The following BCL11A variants were observed in gnomAD, a reference collection of about 807,000 sequenced individuals.
BCL11A encodes BCL11 transcription factor A.
A neutral mutation model predicts 55.9 loss-of-function variants in BCL11A; 2 were observed. That is an observed-to-expected ratio of 0.04 (90% CI 0.01 to 0.11). The LOEUF is 0.11. Ranked by LOEUF, BCL11A falls within the 10% of genes least tolerant of loss-of-function variation. The probability of loss-of-function intolerance (pLI) is 1.00; values close to 1 mark genes in which losing one functional copy is unlikely to be tolerated. For missense variants in BCL11A, 817 were observed against 1,137.1 expected, an observed-to-expected ratio of 0.72 and a Z score of 4.05; for synonymous variants, 465 against 473.4, an observed-to-expected ratio of 0.98 and a Z score of 0.23.
At chr2:60,485,269 C>T (rs750751364) in intron 2 of BCL11A, among the ~76,000 whole-genome samples, 1 of 152,204 alleles carries the variant, frequency 6.6e-6, no homozygotes, top group Non-Finnish European at 1.5e-5. Context: ...GGGTGAGAGG[C>T]CATAGCCCAG....
intron 2 of BCL11A, among the ~76,000 whole-genome samples, chr2:60,483,067 C>T (rs1678050639): frequency 6.6e-6 from 1 of 152,162 alleles, no homozygotes; most frequent in South Asian, 2.1e-4. Flanking sequence ...GATTACTTTG[C>T]GAGATGTTTG....
At chr2:60,467,071 A>ATG (rs1676654547) in intron 3 of BCL11A, among the ~76,000 whole-genome samples, 1 of 137,842 alleles carries the variant, frequency 7.3e-6, no homozygotes, top group Admixed American at 7.4e-5. Context: ...TGGTGGTGGC[A>ATG]GTGGTGGTGG....
At chr2:60,491,409 ACACCTGTAATCC>A (rs1573000299) in intron 2 of BCL11A, among the ~76,000 whole-genome samples, 1 of 152,172 alleles carries the variant, frequency 6.6e-6, no homozygotes, top group Non-Finnish European at 1.5e-5. Flanking sequence ...GCTGTGGCTC[ACACCTGTAATCC>A]CAGCACTTTG....
At position 60,553,379 on chromosome 2, in the gene BCL11A, T is replaced by G; in HGVS notation, c.-109A>C. 8.9e-7 allele frequency: 1 copy of G among 1,119,782 alleles called. No homozygotes were observed. The allele number at this position is 1,119,782 out of a possible 1,614,324, so 69.4% of individuals were successfully genotyped here. ...AGAAAGAAGGAGACTCCAGAGAAAA[T>G]ATCTTCATCAGTGCCTTTTGACATC... On this transcript the variant is annotated 5_prime_UTR_variant, in exon 1 of 4. Transcript: ENST00000642384.
At chr2:60,547,020 T>TA (rs1266562571) in intron 1 of BCL11A, among the ~76,000 whole-genome samples, 1 of 152,172 alleles carries the variant, frequency 6.6e-6, no homozygotes, top group African/African-American at 2.4e-5. Context: ...ATCAAAGAAA[T>TA]ACCAAATGCA....
rs1436371909 is a variant in BCL11A at position 60,538,739 on chromosome 2, C to CTCTGTGTG, written c.385+7231_385+7232insCACACAGA. On this transcript the variant is annotated intron_variant, in intron 2 of 3. Coordinates refer to ENST00000642384, the MANE Select transcript of BCL11A (RefSeq NM_022893.4). ...TGAATGTCTCTCTCTCTCTCTCTCT[C>CTCTGTGTG]TGTGTGTGTGTGTGTGTGTGTGTGT... 5.7e-3 allele frequency among the ~76,000 whole-genome samples: 382 copies of CTCTGTGTG among 67,522 alleles called. 2 individuals are homozygous for CTCTGTGTG. The highest frequency in any genetic ancestry group is 0.011 in the Non-Finnish European group (302 of 27,052). 44.3% of individuals were successfully genotyped at this position (67,522 alleles called of 152,430 possible).
Position 60,469,858 on chromosome 2 carries a change from G to A in BCL11A, c.386-1025C>T, listed in dbSNP as rs542475998. On this transcript the variant is annotated intron_variant, in intron 2 of 3. Coordinates refer to ENST00000642384, the MANE Select transcript of BCL11A (RefSeq NM_022893.4). Reference sequence around the variant, plus strand: ...GGATAGATGGTGCAGGAGACGCTCTGTGTGTTCTAGAGGTTTGGAGTTCAT... The same window carrying A: ...GGATAGATGGTGCAGGAGACGCTCTATGTGTTCTAGAGGTTTGGAGTTCAT... Among the ~76,000 whole-genome samples, 8 of 152,296 alleles carry A rather than the reference G, an allele frequency of 5.3e-5. No individual in the cohort carries two copies. The South Asian group carries it at 1.4e-3, about 28-fold the overall frequency.
At chr2:60,509,365 C>T (rs988351066) in intron 2 of BCL11A, among the ~76,000 whole-genome samples, 1 of 152,164 alleles carries the variant, frequency 6.6e-6, no homozygotes, top group Non-Finnish European at 1.5e-5. Context: ...AACGGATTTC[C>T]GGAAGAAATT....
At chr2:60,452,738 T>C, downstream of BCL11A, 1 of 1,212,318 alleles carries the variant, frequency 8.2e-7, no homozygotes. Context: ...TGATTTTCTG[T>C]TCTCTAACTA....
Position 60,457,922 on chromosome 2 carries a change from AT to A in BCL11A, c.*2481del. The stretch of plus-strand genomic sequence containing the variant: ...CCAAACCGCCATTATATGGCTTCTC[AT>A]CTGTAATGTCACACTTTTTTGTTTC... On this transcript the variant is annotated 3_prime_UTR_variant, in exon 4 of 4. Coordinates refer to ENST00000642384, the MANE Select transcript of BCL11A (RefSeq NM_022893.4). The A allele has an allele frequency of 9.6e-7, 1 of 1,045,034 alleles. No homozygotes were observed. Among genetic ancestry groups the A allele is most frequent in the Non-Finnish European group, 1.2e-6 (1 of 866,632 alleles). 64.7% of individuals were successfully genotyped at this position (1,045,034 alleles called of 1,614,324 possible).
At chr2:60,476,393 T>G (rs972221860) in intron 2 of BCL11A, among the ~76,000 whole-genome samples, 1 of 152,224 alleles carries the variant, frequency 6.6e-6, no homozygotes, top group Non-Finnish European at 1.5e-5. Flanking sequence ...CAGTGGCTCA[T>G]GCCAGAAGTC....
rs1172541369 is a variant in BCL11A at position 60,457,457 on chromosome 2, C to G, written c.*2947G>C. 2 of 1,040,036 alleles carry G rather than the reference C, an allele frequency of 1.9e-6. No individual in the cohort carries two copies. The highest frequency in any genetic ancestry group is 1.1e-4 in the East Asian group (2 of 17,518). 64.4% of individuals were successfully genotyped at this position (1,040,036 alleles called of 1,614,324 possible). A position where few individuals can be genotyped will look rare whatever the true frequency, so the allele number is the denominator to read the frequency against. On this transcript the variant is annotated 3_prime_UTR_variant, in exon 4 of 4. Transcript: ENST00000642384. Reference sequence around the variant, plus strand: ...ACATAAGCAATAATAAATAGTGACTCCCATAGTAAAAGATAAAATTTCAAG... The same window carrying G: ...ACATAAGCAATAATAAATAGTGACTGCCATAGTAAAAGATAAAATTTCAAG...
chr2:60,519,265 G>A (rs932764958), intron 2 of BCL11A, among the ~76,000 whole-genome samples: 3 of 152,186 alleles, frequency 2.0e-5, no homozygotes, highest in African/African-American at 7.2e-5. Context: ...AAGGCATTTT[G>A]CGGTCTTTTT....
intron 2 of BCL11A, among the ~76,000 whole-genome samples, chr2:60,539,189 T>G (rs1201338786): frequency 6.6e-6 from 1 of 152,248 alleles, no homozygotes; most frequent in Non-Finnish European, 1.5e-5. Context: ...AGCTTTATTA[T>G]GGTGTGGTGG....
At chr2:60,452,688 AG>A, downstream of BCL11A, 3 of 1,575,384 alleles carry the variant, frequency 1.9e-6, no homozygotes, top group Non-Finnish European at 2.6e-6. Context: ...TTGGAGACAG[AG>A]GAGGGGGAAA....
At chr2:60,519,171 C>CA (rs932926474) in intron 2 of BCL11A, among the ~76,000 whole-genome samples, 1 of 152,068 alleles carries the variant, frequency 6.6e-6, no homozygotes, top group Admixed American at 6.5e-5. Context: ...ACAGGCGCTA[C>CA]AAAAAAAGAA....
intron 1 of BCL11A, among the ~76,000 whole-genome samples, chr2:60,552,247 T>C (rs1317314844): frequency 6.6e-6 from 1 of 152,098 alleles, no homozygotes; most frequent in African/African-American, 2.4e-5. Context: ...CCTTGTTTTA[T>C]TTATTTTATT....
At chr2:60,545,105 C>T (rs1670089459) in intron 2 of BCL11A, 1 of 152,246 alleles carries the variant, frequency 6.6e-6, no homozygotes, top group Non-Finnish European at 1.5e-5. Flanking sequence ...GTAAGGGTGA[C>T]ATGTGGCTGT....
chr2:60,505,127 C>T (rs1325141011), intron 2 of BCL11A, among the ~76,000 whole-genome samples: 1 of 152,056 alleles, frequency 6.6e-6, no homozygotes, highest in East Asian at 1.9e-4. Flanking sequence ...TTTGACAATA[C>T]TCCTCAAAGG....
Sources: allele counts gnomAD v4.1 joint callset (sites outside exome capture counted in the v4.1 genomes callset), GRCh38; gene constraint gnomAD v4.1.1; transcripts MANE v1.5; gene names NCBI Gene and HGNC (gene_info 2026-07-23, HGNC 2026-07-21).